GPR149: variants seen among roughly 807,000 people sequenced by gnomAD.
GPR149 encodes the protein probable G protein-coupled receptor 149.
GPR149 carries 50 observed loss-of-function variants against 50.2 expected under a neutral mutation model. That is an observed-to-expected ratio of 1.00 (90% CI 0.79 to 1.26). The LOEUF (loss-of-function observed/expected upper bound fraction) is 1.26. Ranked by LOEUF, GPR149 falls within the 50% of genes most tolerant of loss-of-function variation. GPR149 has a pLI of 0.00. For synonymous variants in GPR149, 405 were observed against 358.2 expected (o/e 1.13, Z -1.48); for missense variants, 983 against 895.4 (o/e 1.10, Z -1.25).
At chr3:154,372,067 C>T (rs1714678526) in intron 3 of GPR149, among the ~76,000 whole-genome samples, 1 of 148,028 alleles carries the variant, frequency 6.8e-6, no homozygotes, top group Non-Finnish European at 1.5e-5. Flanking sequence ...CTTCGCCCCT[C>T]ATCAGCAGAA....
At chr3:154,394,507 A>G (rs1715245868) in intron 3 of GPR149, among the ~76,000 whole-genome samples, 1 of 152,134 alleles carries the variant, frequency 6.6e-6, no homozygotes, top group Non-Finnish European at 1.5e-5. Context: ...TGTAATGCCA[A>G]AAGCATGGGC....
chr3:154,371,243 G>GCA (rs912808795), intron 3 of GPR149, among the ~76,000 whole-genome samples: 8 of 152,180 alleles, frequency 5.3e-5, no homozygotes, highest in African/African-American at 1.9e-4. Flanking sequence ...AGAGACTAGT[G>GCA]CAAGACCTCA....
At chr3:154,423,766 T>C (rs1576932231) in intron 2 of GPR149, among the ~76,000 whole-genome samples, 1 of 151,788 alleles carries the variant, frequency 6.6e-6, no homozygotes, top group African/African-American at 2.4e-5. Flanking sequence ...AGGGTAAAGA[T>C]TAGGTCTTTT....
At chr3:154,368,007 C>G (rs996744581) in intron 3 of GPR149, among the ~76,000 whole-genome samples, 2 of 152,212 alleles carry the variant, frequency 1.3e-5, no homozygotes, top group Non-Finnish European at 2.9e-5. Flanking sequence ...AAAGGGCTGT[C>G]TAACAACCCC....
intron 3 of GPR149, among the ~76,000 whole-genome samples, chr3:154,413,190 A>G (rs1711890076): frequency 1.3e-5 from 2 of 152,110 alleles, no homozygotes; most frequent in South Asian, 4.1e-4. Flanking sequence ...ACCTGAAGCC[A>G]TAAATATTCT....
chr3:154,372,362 C>T (rs939873518), intron 3 of GPR149, among the ~76,000 whole-genome samples: 2 of 152,106 alleles, frequency 1.3e-5, no homozygotes, highest in African/African-American at 2.4e-5. Context: ...TGTCCTCGCT[C>T]CCTCTCTCCC....
intron 3 of GPR149, chr3:154,354,139 G>GT (rs1018461533): frequency 1.8e-4 from 86 of 487,728 alleles, no homozygotes; most frequent in East Asian, 4.0e-4. Context: ...TTTCATTTTA[G>GT]TTTTTTTTGG....
At chr3:154,421,705 C>A (rs1213808107) in intron 2 of GPR149, among the ~76,000 whole-genome samples, 1 of 151,718 alleles carries the variant, frequency 6.6e-6, no homozygotes, top group Non-Finnish European at 1.5e-5. Flanking sequence ...AAATGATGGT[C>A]TTTAAATACA....
At chr3:154,386,302 A>G (rs532729669) in intron 3 of GPR149, among the ~76,000 whole-genome samples, 171 of 152,230 alleles carry the variant, frequency 1.1e-3, no homozygotes, top group Non-Finnish European at 1.8e-3. Flanking sequence ...TAACTTACAC[A>G]ATTGCAAAGA....
chr3:154,353,253 G>A (rs1330799652), intron 3 of GPR149: 14 of 1,467,648 alleles, frequency 9.5e-6, no homozygotes, highest in Non-Finnish European at 1.3e-5. Flanking sequence ...GTGTTCCACA[G>A]TAGTTGCAGC....
chr3:154,415,697 T>A (rs1053300713), intron 3 of GPR149, among the ~76,000 whole-genome samples: 1 of 151,820 alleles, frequency 6.6e-6, no homozygotes, highest in Non-Finnish European at 1.5e-5. Flanking sequence ...ATGTAAACAG[T>A]GGTTAACTCT....
rs550324347 is a variant in GPR149 at position 154,335,493 on chromosome 3, G to A, written c.*2206C>T. 1.3e-5 allele frequency: 2 copies of A among 152,110 alleles called. No homozygotes were observed. The highest frequency in any genetic ancestry group is 2.9e-5 in the Non-Finnish European group (2 of 67,978). The allele number at this position is 152,110 out of a possible 1,614,324, so 9.4% of individuals were successfully genotyped here. A position where few individuals can be genotyped will look rare whatever the true frequency, so the allele number is the denominator to read the frequency against. On this transcript the variant is annotated 3_prime_UTR_variant, in exon 4 of 4. Coordinates refer to ENST00000389740, the MANE Select transcript of GPR149 (RefSeq NM_001038705.3). ...CAGGTTAGTAATATGGTGCTGATTAGCCTTTCAAACTAAGACTTTGGGCTA... is the reference window on the plus strand; with the variant it reads ...CAGGTTAGTAATATGGTGCTGATTAACCTTTCAAACTAAGACTTTGGGCTA...
At chr3:154,386,110 T>A (rs976657615) in intron 3 of GPR149, among the ~76,000 whole-genome samples, 1 of 152,234 alleles carries the variant, frequency 6.6e-6, no homozygotes, top group Admixed American at 6.5e-5. Flanking sequence ...ATATCTAATA[T>A]TTGAAGGATA....
rs182957470 is a variant in GPR149 at position 154,407,253 on chromosome 3, T to C, written c.1623+13786A>G. 1.8e-4 allele frequency among the ~76,000 whole-genome samples: 27 copies of C among 152,022 alleles called. No homozygotes were observed. The East Asian group carries it at 5.2e-3, about 29-fold the overall frequency. ...TGATCATGCTTCACATAGTCAAATA[T>C]AAATAATGAAAAATGTAATATAAAA... On this transcript the variant is annotated intron_variant, in intron 3 of 3. Transcript: ENST00000389740.
At chr3:154,400,853 A>C (rs1207186902) in intron 3 of GPR149, among the ~76,000 whole-genome samples, 1 of 152,258 alleles carries the variant, frequency 6.6e-6, no homozygotes, top group Non-Finnish European at 1.5e-5. Flanking sequence ...ACTAGCCACT[A>C]CTAAAGTGAA....
intron 3 of GPR149, among the ~76,000 whole-genome samples, chr3:154,358,689 G>C (rs1366992387): frequency 6.6e-6 from 1 of 152,102 alleles, no homozygotes; most frequent in African/African-American, 2.4e-5. Context: ...GAGTTTCATA[G>C]ACCTTTATGA....
At chr3:154,367,328 C>G (rs1714553109) in intron 3 of GPR149, among the ~76,000 whole-genome samples, 1 of 85,336 alleles carries the variant, frequency 1.2e-5, no homozygotes, top group Non-Finnish European at 2.3e-5. Flanking sequence ...CTCTCTCCCT[C>G]TCTCCCTTCC....
intron 3 of GPR149, among the ~76,000 whole-genome samples, chr3:154,376,170 C>T (rs938266073): frequency 1.3e-5 from 2 of 152,048 alleles, no homozygotes; most frequent in Non-Finnish European, 2.9e-5. Context: ...CTAGGAAACC[C>T]TAGTTAATAC....
intron 3 of GPR149, among the ~76,000 whole-genome samples, chr3:154,390,783 A>G (rs1290583438): frequency 1.3e-5 from 2 of 152,076 alleles, no homozygotes; most frequent in Non-Finnish European, 2.9e-5. Flanking sequence ...AACTGACAAA[A>G]TTTGAAGACA....
Sources: gnomAD v4.1 joint callset for allele counts (sites outside exome capture counted in the v4.1 genomes callset) on GRCh38, gnomAD v4.1.1 for gene constraint, MANE v1.5 for transcripts, NCBI Gene and HGNC (gene_info 2026-07-23, HGNC 2026-07-21) for gene names.